The following POLA1 variants were observed in gnomAD, a reference collection of about 807,000 sequenced individuals.
The protein encoded by POLA1 is DNA polymerase alpha 1, catalytic subunit, also known as DNA polymerase alpha catalytic subunit.
Under a neutral mutation model 124.0 loss-of-function variants are expected in POLA1, and 15 were observed. That is an observed-to-expected ratio of 0.12 (90% CI 0.08 to 0.19). The LOEUF (loss-of-function observed/expected upper bound fraction) is 0.19, where lower values mean the gene tolerates loss of function less well. POLA1 is among the 10% of genes least tolerant of loss of function. POLA1 has a pLI of 1.00. For missense variants in POLA1, 886 were observed against 1,103.4 expected (o/e 0.80, Z 2.79); for synonymous variants, 408 against 389.4 (o/e 1.05, Z -0.56).
intron 28 of POLA1, among the ~76,000 whole-genome samples, chrX:24,812,117 T>C (rs1012011767): frequency 8.9e-6 from 1 of 112,275 alleles, no homozygotes; most frequent in Non-Finnish European, 1.9e-5. Flanking sequence ...TCCCTGGAGG[T>C]GATGTTCTGT....
At chrX:24,736,147 T>C (rs1301700754) in intron 18 of POLA1, among the ~76,000 whole-genome samples, 1 of 111,863 alleles carries the variant, frequency 8.9e-6, no homozygotes, top group Non-Finnish European at 1.9e-5. Flanking sequence ...CAGAGGAATG[T>C]AGGCTATAAA....
chrX:24,745,266 A>T, intron 23 of POLA1, 152 bp from the exon 24 acceptor site: 1 of 320,447 alleles, frequency 3.1e-6, no homozygotes, highest in South Asian at 1.1e-4. Context: ...ATGGTAGTTG[A>T]TTCTTTTTTT....
chrX:24,769,684 A>C (rs2044986283), intron 26 of POLA1, among the ~76,000 whole-genome samples: 1 of 111,470 alleles, frequency 9.0e-6, no homozygotes, highest in Non-Finnish European at 1.9e-5. Context: ...TGAAGGGGAT[A>C]AATGAACTCC....
chrX:24,728,905 C>A (rs1780808419), intron 15 of POLA1, among the ~76,000 whole-genome samples: 1 of 112,082 alleles, frequency 8.9e-6, no homozygotes, highest in African/African-American at 3.2e-5. Context: ...CCTGCCTTAT[C>A]CTTCATATTT....
chrX:24,864,126 C>T (rs2046758803), intron 34 of POLA1, among the ~76,000 whole-genome samples: 1 of 110,023 alleles, frequency 9.1e-6, no homozygotes. Context: ...GGATTACAGG[C>T]GCCTACCACC....
chrX:24,897,454 G>A (rs1188653683), intron 35 of POLA1, among the ~76,000 whole-genome samples: 3 of 106,327 alleles, frequency 2.8e-5, no homozygotes, highest in South Asian at 4.3e-4. Context: ...TGTGCAGTTC[G>A]TTCACCTCAG....
At chrX:24,975,043 G>A (rs976732315) in intron 36 of POLA1, among the ~76,000 whole-genome samples, 2 of 112,397 alleles carry the variant, frequency 1.8e-5, no homozygotes, top group South Asian at 3.7e-4. Flanking sequence ...ATGAAGTCTC[G>A]CTCTGTCACC....
intron 36 of POLA1, among the ~76,000 whole-genome samples, chrX:24,980,220 G>A (rs2048406267): frequency 8.9e-6 from 1 of 111,894 alleles, no homozygotes; most frequent in South Asian, 3.8e-4. Flanking sequence ...GCATTTTGAT[G>A]TTAACAGATC....
At chrX:24,810,146 C>G (rs923026976) in intron 27 of POLA1, among the ~76,000 whole-genome samples, 1 of 111,550 alleles carries the variant, frequency 9.0e-6, no homozygotes, top group African/African-American at 3.3e-5. Flanking sequence ...GTGTTTCAAA[C>G]AAATTAGTAA....
chrX:24,728,682 T>G (rs1385042080), intron 15 of POLA1, among the ~76,000 whole-genome samples: 1 of 112,110 alleles, frequency 8.9e-6, no homozygotes, highest in Admixed American at 9.5e-5. Context: ...ATTGGACTTT[T>G]CCTCTATACC....
At chrX:24,757,441 T>TA (rs1487851343) in intron 26 of POLA1, among the ~76,000 whole-genome samples, 1 of 62,390 alleles carries the variant, frequency 1.6e-5, no homozygotes. Flanking sequence ...TGAAACTTTT[T>TA]TTTTTTTTTT....
chrX:24,723,022 A>T, intron 10 of POLA1, 133 bp from the exon 11 acceptor site: 1 of 492,278 alleles, frequency 2.0e-6, no homozygotes, highest in Non-Finnish European at 3.6e-6. Context: ...TGGGAAATGG[A>T]TATATTTGCT....
At position 24,929,174 on chromosome X, in the gene POLA1, C is replaced by G. The variant is rs1290862688; in HGVS notation, c.4165-1279C>G. Among the ~76,000 whole-genome samples the G allele has an allele frequency of 4.5e-5, 5 of 112,293 alleles. No individual in the cohort carries two copies. The Admixed American group carries it at 4.7e-4, about 11-fold the overall frequency. Reference sequence around the variant, plus strand: ...ATAATTTTTCATCATTAAGACCCAGCTAGGATCCTTGGATCTAATACTTGG... The same window carrying G: ...ATAATTTTTCATCATTAAGACCCAGGTAGGATCCTTGGATCTAATACTTGG... On this transcript the variant is annotated intron_variant, in intron 35 of 36. Transcript: ENST00000379068.
intron 26 of POLA1, among the ~76,000 whole-genome samples, chrX:24,804,148 A>G (rs1015675292): frequency 2.7e-5 from 3 of 110,619 alleles, no homozygotes; most frequent in Admixed American, 9.7e-5. Flanking sequence ...GACAGAAAGT[A>G]CCATGCTTAT....
chrX:24,820,034 A>C (rs958893137), intron 30 of POLA1, among the ~76,000 whole-genome samples: 1 of 111,561 alleles, frequency 9.0e-6, no homozygotes, highest in Admixed American at 9.5e-5. Context: ...TATGTGCCAC[A>C]TTTTCTTTAT....
At chrX:24,703,213 T>C in intron 2 of POLA1, 38 bp from the exon 3 acceptor site, 1 of 1,008,868 alleles carries the variant, frequency 9.9e-7, no homozygotes, top group Non-Finnish European at 1.4e-6. Context: ...TTGACTCCTC[T>C]ATTTGAAGCT....
chrX:24,793,160 C>G (rs1434699216), intron 26 of POLA1, among the ~76,000 whole-genome samples: 1 of 106,960 alleles, frequency 9.3e-6, no homozygotes, highest in Non-Finnish European at 1.9e-5. Flanking sequence ...GCCTATAATC[C>G]CAGCTACTTG....
chrX:24,698,476 C>T (rs927299685), intron 1 of POLA1, among the ~76,000 whole-genome samples: 2 of 111,320 alleles, frequency 1.8e-5, no homozygotes, highest in Admixed American at 9.6e-5. Context: ...TTCTCCAGCC[C>T]TCAATCTGTT....
At chrX:24,888,603 T>G (rs1273848907) in intron 35 of POLA1, among the ~76,000 whole-genome samples, 1 of 76,507 alleles carries the variant, frequency 1.3e-5, no homozygotes, top group East Asian at 3.4e-4. Flanking sequence ...TTTGCTTGTT[T>G]TTTTTTTTTT....
Sources: gnomAD v4.1 joint callset for allele counts (sites outside exome capture counted in the v4.1 genomes callset) on GRCh38, gnomAD v4.1.1 for gene constraint, MANE v1.5 for transcripts, NCBI Gene and HGNC (gene_info 2026-07-23, HGNC 2026-07-21) for gene names.